The following POLQ variants were observed in gnomAD, a reference collection of about 807,000 sequenced individuals.
POLQ encodes the protein epididymis secretory sperm binding protein.
A neutral mutation model predicts 259.2 loss-of-function variants in POLQ; 233 were observed. The ratio of observed to expected loss-of-function variants is 0.90; its 90% CI spans 0.81 to 1.00. POLQ has a LOEUF of 1.00. POLQ is among the 50% of genes least tolerant of loss of function. POLQ has a pLI of 0.00. For missense variants in POLQ, 2,871 were observed against 3,051.6 expected (o/e 0.94, Z 1.39); for synonymous variants, 1,025 against 1,048.8 (o/e 0.98, Z 0.44).
chr3:121,458,970 G>C (rs2047767359), intron 25 of POLQ, among the ~76,000 whole-genome samples: 2 of 152,220 alleles, frequency 1.3e-5, no homozygotes, highest in South Asian at 2.1e-4. Flanking sequence ...GAGTACGGTG[G>C]TGTGCATTTA....
intron 22 of POLQ, among the ~76,000 whole-genome samples, chr3:121,469,513 G>A (rs1343409076): frequency 6.6e-6 from 1 of 151,976 alleles, no homozygotes; most frequent in Non-Finnish European, 1.5e-5. Flanking sequence ...TTAGCTTTTA[G>A]CACAAAATAA....
chr3:121,486,772 A>C (rs946407998), intron 16 of POLQ, among the ~76,000 whole-genome samples: 1 of 151,980 alleles, frequency 6.6e-6, no homozygotes, highest in Admixed American at 6.6e-5. Context: ...CTGAGGCAGG[A>C]GAATTGCTTG....
At chr3:121,523,754 A>G (rs919099008) in intron 7 of POLQ, among the ~76,000 whole-genome samples, 2 of 152,292 alleles carry the variant, frequency 1.3e-5, no homozygotes, top group South Asian at 4.1e-4. Flanking sequence ...AGGAAAATAA[A>G]TAAATGTATG....
At position 121,474,678 on chromosome 3, in the gene POLQ, G is replaced by A. The variant is rs191485211; in HGVS notation, c.6406-1191C>T. On this transcript the variant is annotated intron_variant, in intron 20 of 29. Coordinates refer to ENST00000264233, the MANE Select transcript of POLQ (RefSeq NM_199420.4). ...AATGATCTGGTTCCAGTTTGAACTG[G>A]GGTTTTAGGAATGAAAGGTACTGAG... 7.6e-4 allele frequency among the ~76,000 whole-genome samples: 116 copies of A among 152,280 alleles called. 1 individual carries two copies. Among genetic ancestry groups the A allele is most frequent in the African/African-American group, 2.6e-3 (110 of 41,540 alleles).
At chr3:121,483,354 T>C (rs1366758073) in intron 18 of POLQ, 32 bp downstream of exon 18, 1 of 1,264,554 alleles carries the variant, frequency 7.9e-7, no homozygotes, top group East Asian at 2.6e-5. Flanking sequence ...AATGTTGTTT[T>C]AAGTATATAA....
At position 121,489,782 on chromosome 3, in the gene POLQ, C is replaced by G. The variant is rs772724619; in HGVS notation, c.3149G>C (p.Arg1050Pro). The change falls in exon 16 of 30, where the codon CGA (arginine) becomes CCA (proline). Residue 1050 changes from arginine to proline, a missense_variant. By Grantham distance (103) the Arg-to-Pro change is moderately radical. Around this residue, in one of 3 missense-constraint regions of POLQ, gnomAD observed 2,080 missense variants for 2,126.0 expected, o/e 0.98. Transcript: ENST00000264233. ...TTTCAGGGGGCTGCTGTCCCTAGAT[C>G]GCTTTAGATGCTTTCTACGTTTCCA... ...RSWKRRKHLK[R>P]SRDSSPLKDS... The G allele has an allele frequency of 6.2e-7, 1 of 1,612,734 alleles. No individual in the cohort carries two copies. Among genetic ancestry groups the G allele is most frequent in the Admixed American group, 1.7e-5 (1 of 59,846 alleles).
At chr3:121,495,554 T>C (rs2048111507) in intron 14 of POLQ, among the ~76,000 whole-genome samples, 2 of 151,614 alleles carry the variant, frequency 1.3e-5, no homozygotes, top group Admixed American at 1.3e-4. Flanking sequence ...TAAGAGTGAG[T>C]CCCTCCCGGC....
Position 121,489,019 on chromosome 3 carries a change from T to C in POLQ, c.3912A>G (p.Lys1304=), listed in dbSNP as rs1576414443. 6.2e-7 allele frequency: 1 copy of C among 1,612,942 alleles called. No homozygotes were observed. Among genetic ancestry groups the C allele is most frequent in the Non-Finnish European group, 8.5e-7 (1 of 1,179,266 alleles). The change falls in exon 16 of 30, where the codon AAA becomes AAG. Residue 1304 remains lysine (K), a synonymous_variant. Transcript: ENST00000264233. ...AACCTAAGTCAGAAACATGATTATT[T>C]TTAGTTTTGTTTGTTGTATAAGTAC... ...KTGTYTTNKT[K]NNHVSDLGLV...
At position 121,468,534 on chromosome 3, in the gene POLQ, A is replaced by C. The variant is rs566905075; in HGVS notation, c.6719-103T>G. On this transcript the variant is annotated intron_variant, in intron 22 of 29. Transcript: ENST00000264233. Reference sequence around the variant, plus strand: ...ATTATCTTAAAAATGCAGACTATCAATGCTGAACTGAAATACATTTATATT... The same window carrying C: ...ATTATCTTAAAAATGCAGACTATCACTGCTGAACTGAAATACATTTATATT... 24 of 712,552 alleles carry C rather than the reference A, an allele frequency of 3.4e-5. No individual in the cohort carries two copies. The African/African-American group carries it at 3.9e-4, about 12-fold the overall frequency. The allele number at this position is 712,552 out of a possible 1,614,324, so 44.1% of individuals were successfully genotyped here. A position where few individuals can be genotyped will look rare whatever the true frequency, so the allele number is the denominator to read the frequency against.
chr3:121,483,676 A>T, intron 17 of POLQ, 94 bp from the exon 18 acceptor site: 1 of 890,072 alleles, frequency 1.1e-6, no homozygotes, highest in Non-Finnish European at 1.6e-6. Flanking sequence ...AAGACTGAAA[A>T]AGACTCAGAA....
At chr3:121,502,150 TCTC>T (rs2048175524) in intron 12 of POLQ, among the ~76,000 whole-genome samples, 1 of 152,202 alleles carries the variant, frequency 6.6e-6, no homozygotes, top group South Asian at 2.1e-4. Flanking sequence ...TCTCTTTTCT[TCTC>T]CTGACTGATT....
intron 15 of POLQ, 111 bp from the exon 16 acceptor site, chr3:121,490,519 G>T (rs1183690433): frequency 1.2e-6 from 1 of 852,666 alleles, no homozygotes. Flanking sequence ...TAACAATGAA[G>T]AAGAGAGAGA....
intron 25 of POLQ, among the ~76,000 whole-genome samples, chr3:121,457,559 C>G (rs1046395473): frequency 2.6e-5 from 4 of 152,172 alleles, no homozygotes; most frequent in African/African-American, 9.7e-5. Flanking sequence ...ACAACCCCAT[C>G]AAAAAGTTGG....
chr3:121,501,661 C>CAAAA (rs60180456), intron 12 of POLQ, among the ~76,000 whole-genome samples: 9 of 39,942 alleles, frequency 2.3e-4, no homozygotes, highest in Non-Finnish European at 3.6e-4. Context: ...GACTCCGTCT[C>CAAAA]AAAAAAAAAA....
At chr3:121,542,618 C>T (rs2048498704) in intron 2 of POLQ, among the ~76,000 whole-genome samples, 1 of 152,116 alleles carries the variant, frequency 6.6e-6, no homozygotes, top group Admixed American at 6.5e-5. Context: ...GAAAGCAATG[C>T]AGTGTGACTG....
chr3:121,522,173 C>A, intron 7 of POLQ, 24 bp from the exon 8 acceptor site: 1 of 1,578,306 alleles, frequency 6.3e-7, no homozygotes. Flanking sequence ...ATTATCAACA[C>A]CATTTGCTTC....
chr3:121,543,975 T>TC (rs1476260247), intron 2 of POLQ, among the ~76,000 whole-genome samples: 1 of 148,652 alleles, frequency 6.7e-6, no homozygotes, highest in Non-Finnish European at 1.5e-5. Context: ...AGAGCAAGAC[T>TC]CCATCTCAAA....
At chr3:121,486,794 T>C (rs1322175774) in intron 16 of POLQ, among the ~76,000 whole-genome samples, 1 of 150,688 alleles carries the variant, frequency 6.6e-6, no homozygotes, top group African/African-American at 2.4e-5. Flanking sequence ...ACTCAGAAGG[T>C]GGAGGTTGCA....
chr3:121,502,932 A>C (rs1220172859), intron 12 of POLQ, among the ~76,000 whole-genome samples: 2 of 151,982 alleles, frequency 1.3e-5, no homozygotes. Flanking sequence ...CCCTTGAGTA[A>C]ACACTAAAAA....
Sources: gnomAD v4.1 joint callset for allele counts (sites outside exome capture counted in the v4.1 genomes callset) on GRCh38, gnomAD v4.1.1 for gene constraint, gnomAD v4.1.1 regional missense constraint, MANE v1.5 for transcripts, NCBI Gene and HGNC (gene_info 2026-07-23, HGNC 2026-07-21) for gene names.